Variants in PBX3 observed in about 807,000 individuals in gnomAD.
PBX3 encodes pre-B-cell leukemia transcription factor 3.
PBX3 carries 14 observed loss-of-function variants against 48.5 expected under a neutral mutation model. The ratio of observed to expected loss-of-function variants is 0.29; its 90% CI spans 0.19 to 0.45. PBX3 has a LOEUF of 0.45. Among genes scored for constraint, PBX3 ranks in the 20% least tolerant of loss-of-function variants. The pLI is 1.00. For missense variants in PBX3, 386 were observed against 546.7 expected, an observed-to-expected ratio of 0.71 and a Z score of 2.93; for synonymous variants, 210 against 200.3, an observed-to-expected ratio of 1.05 and a Z score of -0.41.
intron 2 of PBX3, among the ~76,000 whole-genome samples, chr9:125,869,794 C>CT (rs1840073142): frequency 6.6e-6 from 1 of 152,036 alleles, no homozygotes; most frequent in African/African-American, 2.4e-5. Flanking sequence ...GAAGGAATGT[C>CT]TGAGTAGCAA....
chr9:125,848,050 T>G (rs1430734240), intron 2 of PBX3, among the ~76,000 whole-genome samples: 1 of 151,988 alleles, frequency 6.6e-6, no homozygotes, highest in East Asian at 1.9e-4. Flanking sequence ...CGTTGATGGT[T>G]CACATCCAGC....
Position 125,961,722 on chromosome 9 carries a change from C to T in PBX3, c.1010-380C>T, listed in dbSNP as rs541641765. On this transcript the variant is annotated intron_variant, in intron 6 of 8. Coordinates refer to ENST00000373489, the MANE Select transcript of PBX3 (RefSeq NM_006195.6). ...CTGGAAAAGTCTCTTCTCTGGGTGGCTGTCCACTGTGACAGCCATGTTGAC... is the reference window on the plus strand; with the variant it reads ...CTGGAAAAGTCTCTTCTCTGGGTGGTTGTCCACTGTGACAGCCATGTTGAC... Among the ~76,000 whole-genome samples, 5 of 152,312 alleles carry T rather than the reference C, an allele frequency of 3.3e-5. No homozygotes were observed. The South Asian group carries it at 1.0e-3, about 32-fold the overall frequency.
rs373503788 is a variant in PBX3, at chr9:125,804,314, A to G, written c.274+55691A>G. Among the ~76,000 whole-genome samples the G allele has an allele frequency of 3.3e-5, 5 of 152,302 alleles. No homozygotes were observed. The East Asian group carries it at 5.8e-4, about 18-fold the overall frequency. ...GTTGGAAGAAATCTTAAGTGTCACA[A>G]TCCAGAGCTTTTCAAGGTATATGAG... On this transcript the variant is annotated intron_variant, in intron 2 of 8. Coordinates refer to ENST00000373489, the MANE Select transcript of PBX3 (RefSeq NM_006195.6).
chr9:125,960,939 G>A, intron 6 of PBX3, 90 bp downstream of exon 6: 1 of 507,954 alleles, frequency 2.0e-6, no homozygotes, highest in Non-Finnish European at 3.2e-6. Flanking sequence ...GAGCCATACT[G>A]AGGACAGAGT....
chr9:125,883,888 A>G (rs1840438347), intron 2 of PBX3, among the ~76,000 whole-genome samples: 1 of 152,208 alleles, frequency 6.6e-6, no homozygotes. Flanking sequence ...TCTGAGAGTT[A>G]TAGCTGTTTT....
At chr9:125,847,968 C>G (rs1047872331) in intron 2 of PBX3, among the ~76,000 whole-genome samples, 2 of 151,980 alleles carry the variant, frequency 1.3e-5, no homozygotes, top group African/African-American at 2.4e-5. Flanking sequence ...TGGCACAGAG[C>G]AACATTAGTA....
intron 2 of PBX3, among the ~76,000 whole-genome samples, chr9:125,882,238 T>A (rs1341303318): frequency 6.6e-6 from 1 of 151,468 alleles, no homozygotes; most frequent in Non-Finnish European, 1.5e-5. Context: ...TTTTTTTTTT[T>A]ACTAAATTCC....
intron 5 of PBX3, among the ~76,000 whole-genome samples, chr9:125,950,093 T>C (rs1842161016): frequency 1.3e-5 from 2 of 152,366 alleles, no homozygotes; most frequent in Non-Finnish European, 1.5e-5. Context: ...AACTCTTAAC[T>C]GTAAATGTTG....
At chr9:125,899,441 G>GTATATA (rs369506959) in intron 2 of PBX3, among the ~76,000 whole-genome samples, 6 of 76,502 alleles carry the variant, frequency 7.8e-5, no homozygotes, top group African/African-American at 3.6e-4. Flanking sequence ...ATATATGTGT[G>GTATATA]TATATATATA....
chr9:125,748,496 ATAT>A (rs1183794054), intron 1 of PBX3, 51 bp from the exon 2 acceptor site: 2 of 1,588,980 alleles, frequency 1.3e-6, no homozygotes, highest in Admixed American at 1.7e-5. Flanking sequence ...GGAAGGCGCC[ATAT>A]TATTCCATAG....
chr9:125,915,581 C>T (rs1564171561), intron 2 of PBX3, 105 bp from the exon 3 acceptor site: 7 of 768,282 alleles, frequency 9.1e-6, no homozygotes, highest in South Asian at 3.7e-5. Context: ...AATTGTAGTA[C>T]ACTGATGTTG....
intron 2 of PBX3, among the ~76,000 whole-genome samples, chr9:125,891,420 T>G (rs1840639770): frequency 6.6e-6 from 1 of 152,224 alleles, no homozygotes. Context: ...TGAGGTTCAG[T>G]CAAATGGACA....
chr9:125,878,516 C>T (rs1840308303), intron 2 of PBX3, among the ~76,000 whole-genome samples: 1 of 152,200 alleles, frequency 6.6e-6, no homozygotes, highest in Admixed American at 6.5e-5. Flanking sequence ...CCAAGTTGAA[C>T]TGCAGGAGGT....
At chr9:125,836,936 A>T (rs776562163) in intron 2 of PBX3, among the ~76,000 whole-genome samples, 3 of 152,258 alleles carry the variant, frequency 2.0e-5, no homozygotes, top group Non-Finnish European at 4.4e-5. Context: ...TAGTGGGAAC[A>T]TAAATTGGTA....
At chr9:125,823,396 A>G (rs1419199606) in intron 2 of PBX3, among the ~76,000 whole-genome samples, 1 of 152,214 alleles carries the variant, frequency 6.6e-6, no homozygotes, top group Non-Finnish European at 1.5e-5. Flanking sequence ...TATGCTGTTC[A>G]TTGAAGTATT....
At chr9:125,770,853 A>G (rs548988249) in intron 2 of PBX3, among the ~76,000 whole-genome samples, 22 of 152,324 alleles carry the variant, frequency 1.4e-4, no homozygotes, top group Non-Finnish European at 2.6e-4. Context: ...GTGCCAAGAA[A>G]AGCAGCTTCA....
intron 2 of PBX3, among the ~76,000 whole-genome samples, chr9:125,757,284 A>T (rs34858755): frequency 0.057 from 8,050 of 141,722 alleles, 560 homozygotes; most frequent in African/African-American, 0.16. Context: ...GTTTTTTTTT[A>T]AAAAAAAAAC....
rs1842413694 is a variant in PBX3 at position 125,960,847 on chromosome 9, C to T, written c.1007C>T (p.Ser336Phe). The part of the protein sequence containing the change: ...NQTNSPTTPN[S>F]GSSGSFNLPN... ...ACCAATTCGCCCACCACACCAAATTCCGGTGCGTACTGGGGGCTCGCTCCC... is the reference window on the plus strand; with the variant it reads ...ACCAATTCGCCCACCACACCAAATTTCGGTGCGTACTGGGGGCTCGCTCCC... Residue 336 changes from serine to phenylalanine, a missense_variant and splice_region_variant, in exon 6 of 9, where the codon TCC becomes TTC. By Grantham distance (155) the Ser-to-Phe change is radical. This residue lies in a region of PBX3 where 127 missense variants were observed against 143.3 expected (regional missense o/e 0.89). Transcript: ENST00000373489. 2 of 1,613,708 alleles carry T rather than the reference C, an allele frequency of 1.2e-6. No individual in the cohort carries two copies. The highest frequency in any genetic ancestry group is 1.7e-6 in the Non-Finnish European group (2 of 1,179,748).
At chr9:125,804,953 A>G (rs1422882964) in intron 2 of PBX3, among the ~76,000 whole-genome samples, 3 of 52,478 alleles carry the variant, frequency 5.7e-5, no homozygotes, top group South Asian at 1.8e-3. Flanking sequence ...GTCTTAAAAA[A>G]AAAAAAAAAA....
Sources: allele counts gnomAD v4.1 joint callset (sites outside exome capture counted in the v4.1 genomes callset), GRCh38; gene constraint gnomAD v4.1.1; regional missense constraint gnomAD v4.1.1; transcripts MANE v1.5; gene names NCBI Gene and HGNC (gene_info 2026-07-23, HGNC 2026-07-21).